Variants in USP50 observed in about 807,000 individuals in gnomAD.
USP50 encodes the protein ubiquitin carboxyl-terminal hydrolase 50.
A neutral mutation model predicts 39.2 loss-of-function variants in USP50; 37 were observed. That is an observed-to-expected ratio of 0.94 (90% CI 0.73 to 1.24). USP50 has a LOEUF of 1.24. Ranked by LOEUF, USP50 falls within the 50% of genes most tolerant of loss-of-function variation. The probability of loss-of-function intolerance (pLI) is 0.00; values close to 1 mark genes in which losing one functional copy is unlikely to be tolerated. For synonymous variants in USP50, 139 were observed against 144.5 expected (o/e 0.96, Z 0.27); for missense variants, 374 against 398.2 (o/e 0.94, Z 0.52).
chr15:50,495,898 C>G (rs906414320), downstream of USP50: 2 of 1,613,708 alleles, frequency 1.2e-6, no homozygotes, highest in Admixed American at 3.3e-5. Context: ...ATCTCGATGA[C>G]TTTAAAGCTG....
downstream of USP50, chr15:50,499,992 A>ATCTTTACAGAGTGATGTATT (rs2052552108): frequency 6.6e-6 from 1 of 152,282 alleles, no homozygotes; most frequent in Non-Finnish European, 1.5e-5. Flanking sequence ...TATAAACTAC[A>ATCTTTACAGAGTGATGTATT]TCTTTACAGA....
rs1053883115 is a variant in USP50 at position 50,517,441 on chromosome 15, C to T, written c.936+12356G>A. On this transcript the variant is annotated intron_variant, in intron 6 of 6. Coordinates refer to ENST00000532404, the MANE Select transcript of USP50 (RefSeq NM_203494.5). ...TAGCAGAGATCACACCATTGGACTC[C>T]AGCCTAGGCAACAAGAGCAAAACTC... 2.0e-5 allele frequency among the ~76,000 whole-genome samples: 3 copies of T among 150,240 alleles called. No individual in the cohort carries two copies. In the Admixed American group the frequency reaches 2.0e-4, roughly 10 times the overall value.
chr15:50,541,285 C>T, intron 3 of USP50, 21 bp from the exon 4 acceptor site: 1 of 1,589,712 alleles, frequency 6.3e-7, no homozygotes, highest in Non-Finnish European at 8.6e-7. Flanking sequence ...GAGCAAATTT[C>T]ACCCAAATTA....
intron 5 of USP50, among the ~76,000 whole-genome samples, chr15:50,534,549 T>A (rs1023352481): frequency 6.6e-6 from 1 of 152,148 alleles, no homozygotes; most frequent in Non-Finnish European, 1.5e-5. Flanking sequence ...CTATATACAT[T>A]AATTAAAACA....
chr15:50,493,694 G>A (rs558082065), downstream of USP50: 49 of 371,652 alleles, frequency 1.3e-4, 1 homozygote, highest in East Asian at 2.2e-3. Flanking sequence ...GCAGTGAGCC[G>A]TGATTGTGCC....
At chr15:50,520,360 G>T (rs1474793508) in intron 6 of USP50, among the ~76,000 whole-genome samples, 1 of 151,456 alleles carries the variant, frequency 6.6e-6, no homozygotes, top group Non-Finnish European at 1.5e-5. Context: ...GAGTGCAGTG[G>T]CATGGTCTCG....
rs376819603 is a variant in USP50 at position 50,532,114 on chromosome 15, G to A, written c.804-2185C>T. On this transcript the variant is annotated intron_variant, in intron 5 of 6. Transcript: ENST00000532404. Reference sequence around the variant, plus strand: ...GCTAGAGGCTCAGTGCAGAGTCTGAGAGTTAAAAACTCCAAAGAATCCAGT... The same window carrying A: ...GCTAGAGGCTCAGTGCAGAGTCTGAAAGTTAAAAACTCCAAAGAATCCAGT... The A allele has an allele frequency of 2.4e-5, 11 of 456,258 alleles. No homozygotes were observed. The East Asian group carries it at 4.2e-4, about 17-fold the overall frequency. The allele number at this position is 456,258 out of a possible 1,614,324, so 28.3% of individuals were successfully genotyped here.
downstream of USP50, chr15:50,498,968 G>C (rs1339898179): frequency 1.9e-6 from 3 of 1,613,948 alleles, no homozygotes; most frequent in Non-Finnish European, 2.5e-6. Flanking sequence ...CAAGACAACG[G>C]TGGTTTAAGT....
intron 6 of USP50, chr15:50,509,669 T>A (rs1388132829): frequency 6.6e-6 from 1 of 151,230 alleles, no homozygotes; most frequent in East Asian, 1.9e-4. Context: ...TAAAATAAAA[T>A]AAAATAAAAA....
intron 6 of USP50, chr15:50,505,373 C>T (rs1032409428): frequency 4.6e-5 from 7 of 152,112 alleles, no homozygotes; most frequent in African/African-American, 1.7e-4. Context: ...AATACAGTAG[C>T]TTCAAAATAA....
chr15:50,522,189 G>T (rs1429493324), intron 6 of USP50, among the ~76,000 whole-genome samples: 2 of 152,052 alleles, frequency 1.3e-5, no homozygotes, highest in South Asian at 2.1e-4. Flanking sequence ...AGTCTGGGAG[G>T]CCAAGTGGGT....
At chr15:50,526,738 G>A (rs140060845) in intron 6 of USP50, among the ~76,000 whole-genome samples, 16 of 152,276 alleles carry the variant, frequency 1.1e-4, no homozygotes, top group African/African-American at 3.1e-4. Context: ...TCAGAGACGA[G>A]AGCAAGACGG....
intron 6 of USP50, chr15:50,508,610 TAAC>T (rs2052695066): frequency 6.6e-6 from 1 of 152,042 alleles, no homozygotes; most frequent in African/African-American, 2.4e-5. Context: ...AGGGAAGAGA[TAAC>T]ACTGTAAGAG....
At position 50,546,614 on chromosome 15, in the gene USP50, C is replaced by A. The variant is rs1373333590; in HGVS notation, c.-89G>T. Reference sequence around the variant, plus strand: ...ATTTCTCTGAGCCTGTTAACGCTGGCTTTTTGTTTTAAACAATTGATATGC... The same window carrying A: ...ATTTCTCTGAGCCTGTTAACGCTGGATTTTTGTTTTAAACAATTGATATGC... On this transcript the variant is annotated 5_prime_UTR_variant, in exon 1 of 7. Coordinates refer to ENST00000532404, the MANE Select transcript of USP50 (RefSeq NM_203494.5). The A allele has an allele frequency of 4.7e-6, 7 of 1,493,474 alleles. No homozygotes were observed. The highest frequency in any genetic ancestry group is 3.4e-5 in the Admixed American group (2 of 58,684). 92.5% of individuals were successfully genotyped at this position (1,493,474 alleles called of 1,614,324 possible).
At chr15:50,503,514 C>T (rs566852644) in intron 6 of USP50, 1 of 152,296 alleles carries the variant, frequency 6.6e-6, no homozygotes, top group South Asian at 2.1e-4. Context: ...ACATACAAAG[C>T]CAGGACCTTT....
At chr15:50,518,840 T>G (rs1013080355) in intron 6 of USP50, among the ~76,000 whole-genome samples, 2 of 152,108 alleles carry the variant, frequency 1.3e-5, no homozygotes, top group African/African-American at 2.4e-5. Context: ...AGCTTCTGCA[T>G]AGCAAAGAAA....
At chr15:50,510,202 G>A (rs553347899) in intron 6 of USP50, 1 of 152,278 alleles carries the variant, frequency 6.6e-6, no homozygotes, top group African/African-American at 2.4e-5. Flanking sequence ...TTATTCATAT[G>A]CAGAAAAATG....
At chr15:50,520,190 T>C (rs2052837424) in intron 6 of USP50, among the ~76,000 whole-genome samples, 1 of 152,040 alleles carries the variant, frequency 6.6e-6, no homozygotes, top group African/African-American at 2.4e-5. Flanking sequence ...ATGCCTGTAG[T>C]CCTAGCTACT....
At chr15:50,524,461 C>A (rs767150850) in intron 6 of USP50, among the ~76,000 whole-genome samples, 1 of 152,098 alleles carries the variant, frequency 6.6e-6, no homozygotes. Context: ...GGGCAAAGAA[C>A]CAGAACAGAT....
Sources: allele counts gnomAD v4.1 joint callset (sites outside exome capture counted in the v4.1 genomes callset), GRCh38; gene constraint gnomAD v4.1.1; transcripts MANE v1.5; gene names NCBI Gene and HGNC (gene_info 2026-07-23, HGNC 2026-07-21).